Variants in TNRC6B observed in about 807,000 individuals in gnomAD.
TNRC6B encodes the protein trinucleotide repeat containing adaptor 6B, also known as trinucleotide repeat-containing gene 6B protein.
TNRC6B carries 52 observed loss-of-function variants against 203.6 expected under a neutral mutation model. That is an observed-to-expected ratio of 0.26 (90% CI 0.20 to 0.32). The LOEUF is 0.32. Ranked by LOEUF, TNRC6B falls within the 10% of genes least tolerant of loss-of-function variation. TNRC6B has a pLI of 1.00. For synonymous variants in TNRC6B, 838 were observed against 845.7 expected (o/e 0.99, Z 0.16); for missense variants, 1,923 against 2,286.2 (o/e 0.84, Z 3.24).
At chr22:40,130,785 A>ACC (rs2068535703) in intron 3 of TNRC6B, among the ~76,000 whole-genome samples, 1 of 150,948 alleles carries the variant, frequency 6.6e-6, no homozygotes, top group African/African-American at 2.4e-5. Context: ...CGTCTAAAAA[A>ACC]AAAAAAAAAA....
chr22:40,151,875 A>AAGAAAAGAGAGAAGAAAGAAAGAAAG (rs1568999498), intron 3 of TNRC6B, among the ~76,000 whole-genome samples: 1 of 150,700 alleles, frequency 6.6e-6, no homozygotes, highest in African/African-American at 2.4e-5. Flanking sequence ...GAAGAAAGAA[A>AAGAAAAGAGAGAAGAAAGAAAGAAAG]GAAAGAAGAA....
intron 12 of TNRC6B, among the ~76,000 whole-genome samples, chr22:40,291,496 C>G (rs942853708): frequency 6.6e-6 from 1 of 152,150 alleles, no homozygotes; most frequent in African/African-American, 2.4e-5. Context: ...TTTACTAATT[C>G]CCTATTCAGA....
rs148721230 is a variant in TNRC6B, at chr22:40,124,384, G to A, written c.-46-1388G>A. Among the ~76,000 whole-genome samples the A allele has an allele frequency of 4.9e-3, 717 of 146,532 alleles. 1 individual carries two copies. The highest frequency in any genetic ancestry group is 0.011 in the Admixed American group (161 of 14,490). ...GTTGCCAAGGCTGGAGTGCAGTGGT[G>A]TGATCACAGCTCACTGCAGCCTTGA... On this transcript the variant is annotated intron_variant, in intron 2 of 23. Transcript: ENST00000301923.
chr22:40,064,040 T>C (rs1239388078), intron 1 of TNRC6B, among the ~76,000 whole-genome samples: 2 of 152,220 alleles, frequency 1.3e-5, no homozygotes, highest in Non-Finnish European at 2.9e-5. Flanking sequence ...CACAATTTTA[T>C]TTTTGGTTTA....
chr22:40,286,682 A>G (rs1005912451), intron 12 of TNRC6B, among the ~76,000 whole-genome samples: 1 of 152,200 alleles, frequency 6.6e-6, no homozygotes, highest in Non-Finnish European at 1.5e-5. Context: ...GACATAGTCC[A>G]TTGGATACCA....
At position 40,333,331 on chromosome 22, in the gene TNRC6B, C is replaced by G. The variant is rs186610562; in HGVS notation, c.*10090C>G. The G allele has an allele frequency of 1.3e-5, 2 of 152,378 alleles. No individual in the cohort carries two copies. Among genetic ancestry groups the G allele is most frequent in the Non-Finnish European group, 2.9e-5 (2 of 68,050 alleles). 9.4% of individuals were successfully genotyped at this position (152,378 alleles called of 1,614,324 possible). On this transcript the variant is annotated 3_prime_UTR_variant, in exon 23 of 23. Coordinates refer to ENST00000454349, the MANE Select transcript of TNRC6B (RefSeq NM_001162501.2). ...CAGTGTGGGCAACAGAGCAAGACTT[C>G]GACTCAAAAACATAAAATAAACAAA...
intron 3 of TNRC6B, among the ~76,000 whole-genome samples, chr22:40,252,205 A>G (rs1198825275): frequency 6.6e-6 from 1 of 152,222 alleles, no homozygotes; most frequent in African/African-American, 2.4e-5. Flanking sequence ...TTAGGTATGC[A>G]TAAGAATCAT....
At chr22:40,220,183 T>C (rs190331384) in intron 1 of TNRC6B, among the ~76,000 whole-genome samples, 191 of 152,314 alleles carry the variant, frequency 1.3e-3, no homozygotes, top group African/African-American at 4.4e-3. Context: ...GCTCTGAATC[T>C]ATACTGCTTA....
At chr22:40,066,364 C>T (rs1430750266) in intron 1 of TNRC6B, among the ~76,000 whole-genome samples, 2 of 152,164 alleles carry the variant, frequency 1.3e-5, no homozygotes, top group Non-Finnish European at 2.9e-5. Flanking sequence ...AAGCGGAAGT[C>T]TTGCCTTTTC....
At chr22:40,076,335 C>T (rs1476997126) in intron 1 of TNRC6B, among the ~76,000 whole-genome samples, 1 of 152,136 alleles carries the variant, frequency 6.6e-6, no homozygotes, top group Non-Finnish European at 1.5e-5. Context: ...ATCACTTGAG[C>T]CTGGGGAGGT....
chr22:40,105,416 G>A (rs2146308388), intron 1 of TNRC6B, among the ~76,000 whole-genome samples: 1 of 152,244 alleles, frequency 6.6e-6, no homozygotes, highest in Admixed American at 6.5e-5. Flanking sequence ...CCTTCTTAGT[G>A]ACCTTCACTA....
intron 1 of TNRC6B, among the ~76,000 whole-genome samples, chr22:40,217,524 G>A (rs2146430426): frequency 6.6e-6 from 1 of 152,292 alleles, no homozygotes; most frequent in South Asian, 2.1e-4. Context: ...CAAACAATGT[G>A]ACTGTGTACA....
chr22:40,079,003 G>A (rs1204741788), intron 1 of TNRC6B, among the ~76,000 whole-genome samples: 1 of 151,858 alleles, frequency 6.6e-6, no homozygotes, highest in Non-Finnish European at 1.5e-5. Flanking sequence ...GAACTCGGGA[G>A]GCAGAGGTTG....
intron 3 of TNRC6B, among the ~76,000 whole-genome samples, chr22:40,144,544 G>A (rs911543095): frequency 3.8e-4 from 57 of 151,846 alleles, no homozygotes; most frequent in Non-Finnish European, 8.2e-4. Context: ...GCGTGGTGGC[G>A]GGCACCTGTA....
chr22:40,125,031 C>A (rs888753107), intron 2 of TNRC6B, among the ~76,000 whole-genome samples: 1 of 151,926 alleles, frequency 6.6e-6, no homozygotes, highest in Non-Finnish European at 1.5e-5. Context: ...AAAAAATATT[C>A]CTCAATAATT....
At chr22:40,200,380 G>A (rs142949835) in intron 1 of TNRC6B, among the ~76,000 whole-genome samples, 9,382 of 129,564 alleles carry the variant, frequency 0.072, 452 homozygotes, top group Middle Eastern at 0.16. Context: ...TCTGCCTGCC[G>A]GGTTCAAGCG....
At chr22:40,294,157 T>C (rs1347031457) in intron 12 of TNRC6B, among the ~76,000 whole-genome samples, 1 of 151,290 alleles carries the variant, frequency 6.6e-6, no homozygotes. Flanking sequence ...GGAGGCTGAG[T>C]TGGGAAAATC....
chr22:40,275,603 T>C (rs1311957293), intron 7 of TNRC6B, among the ~76,000 whole-genome samples: 1 of 152,202 alleles, frequency 6.6e-6, no homozygotes, highest in Non-Finnish European at 1.5e-5. Context: ...AACTGAACTC[T>C]GTACCTATTA....
chr22:40,312,880 T>C, intron 18 of TNRC6B, 22 bp from the exon 19 acceptor site: 1 of 1,604,692 alleles, frequency 6.2e-7, no homozygotes, highest in South Asian at 1.1e-5. Context: ...CAGTATTTTC[T>C]TCTTGTTCTT....
Sources: gnomAD v4.1 joint callset for allele counts (sites outside exome capture counted in the v4.1 genomes callset) on GRCh38, gnomAD v4.1.1 for gene constraint, MANE v1.5 for transcripts, NCBI Gene and HGNC (gene_info 2026-07-23, HGNC 2026-07-21) for gene names.